Variants in RSBN1L observed in about 807,000 individuals in gnomAD.
The protein encoded by RSBN1L is round spermatid basic protein 1 like.
In RSBN1L, 30 loss-of-function variants were observed where a neutral mutation model predicts 67.7. That is an observed-to-expected ratio of 0.44 (90% CI 0.33 to 0.60). RSBN1L has a LOEUF of 0.60. RSBN1L is among the 20% of genes least tolerant of loss of function. The pLI is 0.02. For synonymous variants in RSBN1L, 433 were observed against 387.0 expected (o/e 1.12, Z -1.39); for missense variants, 992 against 1,031.7 (o/e 0.96, Z 0.53).
intron 1 of RSBN1L, among the ~76,000 whole-genome samples, chr7:77,702,544 C>T (rs1554336552): frequency 6.6e-6 from 1 of 151,966 alleles, no homozygotes; most frequent in South Asian, 2.1e-4. Flanking sequence ...TTTTAATCTT[C>T]ATTTCTTTTC....
intron 1 of RSBN1L, among the ~76,000 whole-genome samples, chr7:77,709,076 T>C (rs948267504): frequency 1.3e-5 from 2 of 151,962 alleles, no homozygotes; most frequent in African/African-American, 4.8e-5. Context: ...AGTTTTGTTA[T>C]CAGATAGAAC....
At chr7:77,760,960 T>C (rs1791690655) in intron 3 of RSBN1L, among the ~76,000 whole-genome samples, 1 of 152,224 alleles carries the variant, frequency 6.6e-6, no homozygotes, top group Non-Finnish European at 1.5e-5. Flanking sequence ...GTTTTGACTT[T>C]TTTTCAGGTT....
intron 2 of RSBN1L, among the ~76,000 whole-genome samples, chr7:77,745,824 C>T (rs1246374995): frequency 6.6e-6 from 1 of 152,156 alleles, no homozygotes; most frequent in Non-Finnish European, 1.5e-5. Flanking sequence ...GCTTGTTAAT[C>T]TGTATTTGGA....
At chr7:77,761,008 G>A (rs1791691333) in intron 3 of RSBN1L, among the ~76,000 whole-genome samples, 1 of 152,202 alleles carries the variant, frequency 6.6e-6, no homozygotes, top group South Asian at 2.1e-4. Context: ...TTTGATTAAT[G>A]TTTACTGGAG....
intron 3 of RSBN1L, among the ~76,000 whole-genome samples, chr7:77,753,963 T>G (rs995836726): frequency 3.3e-5 from 5 of 152,298 alleles, no homozygotes; most frequent in Admixed American, 3.3e-4. Flanking sequence ...ATCATATGTG[T>G]GTGGGTCTGT....
At chr7:77,722,597 T>C (rs1791134134) in intron 1 of RSBN1L, among the ~76,000 whole-genome samples, 1 of 152,176 alleles carries the variant, frequency 6.6e-6, no homozygotes, top group African/African-American at 2.4e-5. Context: ...CTTTTTACTG[T>C]ATCCTTCATC....
chr7:77,711,973 G>A (rs1054459738), intron 1 of RSBN1L, among the ~76,000 whole-genome samples: 1 of 152,130 alleles, frequency 6.6e-6, no homozygotes, highest in Non-Finnish European at 1.5e-5. Flanking sequence ...CTGTGTGAGG[G>A]TAAGGGTCTT....
intron 5 of RSBN1L, among the ~76,000 whole-genome samples, chr7:77,772,651 C>T (rs940774485): frequency 6.6e-6 from 1 of 152,248 alleles, no homozygotes; most frequent in African/African-American, 2.4e-5. Context: ...TCTTCCCTCA[C>T]TAGACAGACT....
In RSBN1L at chr7:77,779,226, T is replaced by C; in HGVS notation, c.*58T>C. 8.0e-7 allele frequency: 1 copy of C among 1,252,732 alleles called. No homozygotes were observed. The highest frequency in any genetic ancestry group is 1.5e-5 in the South Asian group (1 of 64,776). The allele number at this position is 1,252,732 out of a possible 1,614,324, so 77.6% of individuals were successfully genotyped here. ...AAAAATTTAATGTAATAAAGATTCA[T>C]GAATTCTGAAAGCAAGCCAAGGACT... On this transcript the variant is annotated 3_prime_UTR_variant, in exon 8 of 8. Coordinates refer to ENST00000334955, the MANE Select transcript of RSBN1L (RefSeq NM_198467.3).
intron 3 of RSBN1L, among the ~76,000 whole-genome samples, chr7:77,753,964 G>T (rs940549524): frequency 1.3e-5 from 2 of 152,186 alleles, no homozygotes; most frequent in East Asian, 3.8e-4. Flanking sequence ...TCATATGTGT[G>T]TGGGTCTGTT....
chr7:77,762,881 G>A (rs1791713487), intron 3 of RSBN1L, among the ~76,000 whole-genome samples: 1 of 151,924 alleles, frequency 6.6e-6, no homozygotes, highest in African/African-American at 2.4e-5. Context: ...TAAATTGAAA[G>A]TTTAGTTGTG....
chr7:77,699,581 A>G (rs1293501365), intron 1 of RSBN1L, among the ~76,000 whole-genome samples: 2 of 152,188 alleles, frequency 1.3e-5, no homozygotes, highest in South Asian at 2.1e-4. Context: ...GTGAATGCTG[A>G]TAGAGGAAGG....
chr7:77,715,353 CAG>C (rs1302196665), intron 1 of RSBN1L, among the ~76,000 whole-genome samples: 2 of 152,056 alleles, frequency 1.3e-5, no homozygotes, highest in South Asian at 2.1e-4. Context: ...GTGTGTGTGA[CAG>C]AGTCTCACTT....
intron 1 of RSBN1L, among the ~76,000 whole-genome samples, chr7:77,701,730 C>T (rs1167810261): frequency 1.3e-5 from 2 of 150,502 alleles, no homozygotes; most frequent in Non-Finnish European, 1.5e-5. Context: ...TGGCTCACTG[C>T]AGTCTCTGCC....
At chr7:77,744,635 C>T (rs1191024747) in intron 2 of RSBN1L, among the ~76,000 whole-genome samples, 1 of 151,730 alleles carries the variant, frequency 6.6e-6, no homozygotes, top group Non-Finnish European at 1.5e-5. Flanking sequence ...CCAGGCTGGT[C>T]TCGAACTCCT....
intron 1 of RSBN1L, among the ~76,000 whole-genome samples, chr7:77,703,570 C>T (rs567126567): frequency 7.5e-6 from 1 of 133,798 alleles, no homozygotes; most frequent in East Asian, 2.7e-4. Flanking sequence ...CTCATTGCAA[C>T]CTCTGCCTCC....
intron 3 of RSBN1L, among the ~76,000 whole-genome samples, chr7:77,755,714 A>G (rs566253868): frequency 4.0e-5 from 6 of 150,208 alleles, no homozygotes; most frequent in African/African-American, 1.5e-4. Context: ...AAGCCCACTG[A>G]AAAAAAAAAT....
Position 77,782,600 on chromosome 7 carries a change from A to C in RSBN1L, c.*3432A>C, listed in dbSNP as rs1469300327. On this transcript the variant is annotated 3_prime_UTR_variant, in exon 8 of 8. Coordinates refer to ENST00000334955, the MANE Select transcript of RSBN1L (RefSeq NM_198467.3). ...TAAATAAACATTAAGTTGATTTTGC[A>C]CAACACTGTATTTGTGTGTGTGCAT... 6.6e-6 allele frequency: 1 copy of C among 152,172 alleles called. No homozygotes were observed. The highest frequency in any genetic ancestry group is 1.5e-5 in the Non-Finnish European group (1 of 68,028). 9.4% of individuals were successfully genotyped at this position (152,172 alleles called of 1,614,324 possible).
At chr7:77,745,846 C>G (rs1791477243) in intron 2 of RSBN1L, among the ~76,000 whole-genome samples, 1 of 152,158 alleles carries the variant, frequency 6.6e-6, no homozygotes, top group South Asian at 2.1e-4. Flanking sequence ...CAGCTCCCAG[C>G]ACTAGTATCA....
Sources: allele counts gnomAD v4.1 joint callset (sites outside exome capture counted in the v4.1 genomes callset), GRCh38; gene constraint gnomAD v4.1.1; transcripts MANE v1.5; gene names NCBI Gene and HGNC (gene_info 2026-07-23, HGNC 2026-07-21).